STAT4: variants seen among roughly 807,000 people sequenced by gnomAD.
STAT4 encodes signal transducer and activator of transcription 4.
STAT4 carries 42 observed loss-of-function variants against 110.5 expected under a neutral mutation model. The observed-to-expected ratio is 0.38, with a 90% CI of 0.30 to 0.49. STAT4 has a LOEUF of 0.49. STAT4 is among the 20% of genes least tolerant of loss of function. The probability of loss-of-function intolerance (pLI) is 0.95; values close to 1 mark genes in which losing one functional copy is unlikely to be tolerated. For synonymous variants in STAT4, 284 were observed against 302.2 expected, an observed-to-expected ratio of 0.94 and a Z score of 0.63; for missense variants, 632 against 887.9, an observed-to-expected ratio of 0.71 and a Z score of 3.66.
At chr2:191,131,460 C>A (rs1178880485) in intron 3 of STAT4, 1 of 167,422 alleles carries the variant, frequency 6.0e-6, no homozygotes, top group African/African-American at 2.4e-5. Context: ...AAGCAAGTTG[C>A]TGAAGTATAA....
rs3024837 is a variant in STAT4, at chr2:191,077,593, TA to T, written c.274-1269del. 3.3e-4 allele frequency among the ~76,000 whole-genome samples: 50 copies of T among 152,110 alleles called. No homozygotes were observed. Among genetic ancestry groups the T allele is most frequent in the African/African-American group, 1.1e-3 (46 of 41,432 alleles). On this transcript the variant is annotated intron_variant, in intron 3 of 23. Transcript: ENST00000392320. The surrounding 1 kb of genome is among the most constrained non-coding windows in gnomAD (Gnocchi z 4.1). Reference sequence around the variant, plus strand: ...GGAAAATTAACAATAAAAAATAGACTATACAGATATAAACTAGAAGATTTTT... The same window carrying T: ...GGAAAATTAACAATAAAAAATAGACTTACAGATATAAACTAGAAGATTTTT...
intron 3 of STAT4, among the ~76,000 whole-genome samples, chr2:191,126,976 T>C (rs1178550056): frequency 1.3e-5 from 2 of 152,074 alleles, no homozygotes; most frequent in African/African-American, 4.8e-5. Context: ...CACACCACCA[T>C]GCCCAGCTAA....
In STAT4 at chr2:191,077,376, C is replaced by T. The variant is rs1416663830; in HGVS notation, c.274-1051G>A. 1.3e-5 allele frequency among the ~76,000 whole-genome samples: 2 copies of T among 152,190 alleles called. No homozygotes were observed. The highest frequency in any genetic ancestry group is 2.9e-5 in the Non-Finnish European group (2 of 68,032). On this transcript the variant is annotated intron_variant, in intron 3 of 23. Transcript: ENST00000392320. The surrounding 1 kb of genome is among the most constrained non-coding windows in gnomAD (Gnocchi z 4.1). Reference sequence around the variant, plus strand: ...TAATGGATAGAACTAATCTGAACAACACTATCAATTTAGTCAATAGTATTA... The same window carrying T: ...TAATGGATAGAACTAATCTGAACAATACTATCAATTTAGTCAATAGTATTA...
intron 3 of STAT4, among the ~76,000 whole-genome samples, chr2:191,126,277 T>A (rs921803205): frequency 3.9e-5 from 6 of 152,238 alleles, no homozygotes; most frequent in Admixed American, 3.9e-4. Flanking sequence ...TTTGATTAAG[T>A]ATCTCTTTGA....
In STAT4 at chr2:191,058,258, AT is replaced by A; in HGVS notation, c.1095-40del. On this transcript the variant is annotated intron_variant, in intron 11 of 23. Coordinates refer to ENST00000392320, the MANE Select transcript of STAT4 (RefSeq NM_003151.4). This position sits in a 1 kb window ranked among gnomAD's most constrained non-coding sequence, Gnocchi z 4.3. ...AAGATTCTTTAAAACAAGCTATTTAATAGATCTAGGAATAACTTTCTATGAT... is the reference window on the plus strand; with the variant it reads ...AAGATTCTTTAAAACAAGCTATTTAAAGATCTAGGAATAACTTTCTATGAT... The A allele has an allele frequency of 6.4e-7, 1 of 1,558,718 alleles. No individual in the cohort carries two copies. The highest frequency in any genetic ancestry group is 8.8e-7 in the Non-Finnish European group (1 of 1,133,486).
At position 191,033,342 on chromosome 2, in the gene STAT4, G is replaced by T. The variant is rs1695954365; in HGVS notation, c.1852+148C>A. On this transcript the variant is annotated intron_variant, in intron 20 of 23. Coordinates refer to ENST00000392320, the MANE Select transcript of STAT4 (RefSeq NM_003151.4). This position sits in a 1 kb window ranked among gnomAD's most constrained non-coding sequence, Gnocchi z 6.9. ...ACTTTTTGGAATTCATAGGTACCCT[G>T]TTCTGAGACAACTGCAACTACTAAT... The T allele has an allele frequency of 1.7e-6, 2 of 1,154,718 alleles. No individual in the cohort carries two copies. The highest frequency in any genetic ancestry group is 2.4e-6 in the Non-Finnish European group (2 of 829,646). The allele number at this position is 1,154,718 out of a possible 1,614,324, so 71.5% of individuals were successfully genotyped here. A position where few individuals can be genotyped will look rare whatever the true frequency, so the allele number is the denominator to read the frequency against.
At chr2:191,063,789 CAA>C (rs1165954472) in intron 8 of STAT4, among the ~76,000 whole-genome samples, 1 of 152,164 alleles carries the variant, frequency 6.6e-6, no homozygotes, top group African/African-American at 2.4e-5. Context: ...GTTGTAAAAT[CAA>C]AGTGTCTTCC....
At position 191,105,077 on chromosome 2, in the gene STAT4, A is replaced by T. The variant is rs1698240733; in HGVS notation, c.274-28752T>A. On this transcript the variant is annotated intron_variant, in intron 3 of 23. Coordinates refer to ENST00000392320, the MANE Select transcript of STAT4 (RefSeq NM_003151.4). ...GACATATTTAAATCCCCATATAATA[A>T]ATAACAGATCGTGGGAAAATAGTTT... Among the ~76,000 whole-genome samples, 3 of 152,236 alleles carry T rather than the reference A, an allele frequency of 2.0e-5. No homozygotes were observed. The South Asian group carries it at 6.2e-4, about 31-fold the overall frequency.
At chr2:191,131,877 C>T in intron 3 of STAT4, 1 of 1,458,286 alleles carries the variant, frequency 6.9e-7, no homozygotes, top group Non-Finnish European at 9.1e-7. Context: ...CCAAGGGCAG[C>T]TGTGCTGTAG....
At position 191,150,982 on chromosome 2, in the gene STAT4, C is replaced by T; in HGVS notation, c.-37G>A. The T allele has an allele frequency of 1.0e-6, 1 of 985,760 alleles. No individual in the cohort carries two copies. The highest frequency in any genetic ancestry group is 1.2e-6 in the Non-Finnish European group (1 of 830,092). 61.1% of individuals were successfully genotyped at this position (985,760 alleles called of 1,614,324 possible). On this transcript the variant is annotated 5_prime_UTR_variant, in exon 1 of 24. Coordinates refer to ENST00000392320, the MANE Select transcript of STAT4 (RefSeq NM_003151.4). The surrounding 1 kb of genome is among the most constrained non-coding windows in gnomAD (Gnocchi z 6.4). Reference sequence around the variant, plus strand: ...CTCAGCACAGGTCCCAGGCAGTGCTCAAGTCCAAAGTCAGAAGCGCCCCTC... The same window carrying T: ...CTCAGCACAGGTCCCAGGCAGTGCTTAAGTCCAAAGTCAGAAGCGCCCCTC...
Position 191,031,486 on chromosome 2 carries a change from C to A in STAT4, c.2075G>T (p.Gly692Val). 6.2e-7 allele frequency: 1 copy of A among 1,613,312 alleles called. No homozygotes were observed. The highest frequency in any genetic ancestry group is 1.1e-5 in the South Asian group (1 of 90,920). ...VSRPTERGDK[G>V]YVPSVFIPIS... ...GGGGATAAAAACAGAAGGAACATAA[C>A]CTTTGTCACCCCTTTCTGTTGGTCT... Residue 692 changes from glycine (G) to valine (V), a missense_variant, in exon 22 of 24, where the codon GGT becomes GTT. Physicochemically the swap from Gly to Val is moderately radical, Grantham distance 109. Coordinates refer to ENST00000392320, the MANE Select transcript of STAT4 (RefSeq NM_003151.4). This position sits in a 1 kb window ranked among gnomAD's most constrained non-coding sequence, Gnocchi z 4.8.
chr2:191,106,049 G>A (rs2125346821), intron 3 of STAT4, among the ~76,000 whole-genome samples: 1 of 152,144 alleles, frequency 6.6e-6, no homozygotes, highest in Admixed American at 6.5e-5. Context: ...TGTTACTAAG[G>A]AATTTTGGTC....
At chr2:191,048,198 G>A (rs1164847126) in intron 14 of STAT4, among the ~76,000 whole-genome samples, 1 of 152,148 alleles carries the variant, frequency 6.6e-6, no homozygotes, top group Non-Finnish European at 1.5e-5. Context: ...GGTGGTGAGA[G>A]GGTGATTATT....
rs16833233 is a variant in STAT4 at position 191,073,268 on chromosome 2, G to A, written c.373-78C>T. The A allele has an allele frequency of 3.4e-3, 4,052 of 1,192,992 alleles. 86 individuals carry two copies. In the African/African-American group the frequency reaches 0.049, roughly 15 times the overall value. The allele number at this position is 1,192,992 out of a possible 1,614,324, so 73.9% of individuals were successfully genotyped here. A position where few individuals can be genotyped will look rare whatever the true frequency, so the allele number is the denominator to read the frequency against. On this transcript the variant is annotated intron_variant, in intron 4 of 23. Coordinates refer to ENST00000392320, the MANE Select transcript of STAT4 (RefSeq NM_003151.4). The stretch of plus-strand genomic sequence containing the variant: ...ATGCAATACATACCGCATACAATTC[G>A]ACCTGAGGTCTGGATCAATGTGATA...
At chr2:191,119,448 CTAGT>C (rs1433532021) in intron 3 of STAT4, among the ~76,000 whole-genome samples, 1 of 152,038 alleles carries the variant, frequency 6.6e-6, no homozygotes, top group Non-Finnish European at 1.5e-5. Flanking sequence ...TTCCAGAGGG[CTAGT>C]TAAATTATGG....
chr2:191,106,647 A>AAAAATAAAATAAAATAAAAT lies in STAT4; in HGVS notation c.274-30342_274-30323dup, dbSNP rs199803507. On this transcript the variant is annotated intron_variant, in intron 3 of 23. Coordinates refer to ENST00000392320, the MANE Select transcript of STAT4 (RefSeq NM_003151.4). ...GGGCAACAGAGTGAGACTCCATCTC[A>AAAAATAAAATAAAATAAAAT]AAAATAAAATAAAATAAAATAAAAT... Among the ~76,000 whole-genome samples, 880 of 127,280 alleles carry AAAAATAAAATAAAATAAAAT rather than the reference A, an allele frequency of 6.9e-3. 11 individuals are homozygous for AAAAATAAAATAAAATAAAAT. Among genetic ancestry groups the AAAAATAAAATAAAATAAAAT allele is most frequent in the African/African-American group, 0.02 (643 of 32,970 alleles). 83.5% of individuals were successfully genotyped at this position (127,280 alleles called of 152,430 possible). A position where few individuals can be genotyped will look rare whatever the true frequency, so the allele number is the denominator to read the frequency against.
At chr2:191,102,190 T>C (rs1032041118) in intron 3 of STAT4, among the ~76,000 whole-genome samples, 1 of 152,140 alleles carries the variant, frequency 6.6e-6, no homozygotes, top group African/African-American at 2.4e-5. Context: ...CCCACATGCT[T>C]ACCGTTCCAA....
chr2:191,121,147 T>C (rs1698715604), intron 3 of STAT4, among the ~76,000 whole-genome samples: 1 of 152,226 alleles, frequency 6.6e-6, no homozygotes, highest in South Asian at 2.1e-4. Flanking sequence ...AAGACATTTA[T>C]GCAGCCAACA....
At chr2:191,071,363 G>A (rs1559053698) in intron 5 of STAT4, among the ~76,000 whole-genome samples, 1 of 152,124 alleles carries the variant, frequency 6.6e-6, no homozygotes, top group East Asian at 1.9e-4. Flanking sequence ...TCTCATGGAA[G>A]GCTCTGAGCT....
Sources: allele counts gnomAD v4.1 joint callset (sites outside exome capture counted in the v4.1 genomes callset), GRCh38; gene constraint gnomAD v4.1.1; non-coding constraint Gnocchi (gnomAD v3.1); transcripts MANE v1.5; gene names NCBI Gene and HGNC (gene_info 2026-07-23, HGNC 2026-07-21).